Variants in STON2 observed in about 807,000 individuals in gnomAD.
STON2 encodes stonin 2.
A neutral mutation model predicts 65.7 loss-of-function variants in STON2; 29 were observed. That is an observed-to-expected ratio of 0.44 (90% CI 0.33 to 0.60). The LOEUF (loss-of-function observed/expected upper bound fraction) is 0.60, where lower values mean the gene tolerates loss of function less well. Among genes scored for constraint, STON2 ranks in the 20% least tolerant of loss-of-function variants. The pLI is 0.03. For synonymous variants in STON2, 404 were observed against 414.2 expected (o/e 0.98, Z 0.30); for missense variants, 1,054 against 1,118.1 (o/e 0.94, Z 0.82).
intron 5 of STON2, among the ~76,000 whole-genome samples, chr14:81,306,374 G>A (rs898890165): frequency 1.0e-4 from 12 of 115,304 alleles, no homozygotes; most frequent in Admixed American, 2.8e-4. Context: ...GACTACAGGC[G>A]CCATATGCTC....
intron 4 of STON2, among the ~76,000 whole-genome samples, chr14:81,356,988 G>A (rs1358657434): frequency 6.6e-6 from 1 of 152,002 alleles, no homozygotes; most frequent in Non-Finnish European, 1.5e-5. Flanking sequence ...ACATAGGCAC[G>A]GGCAAGGACT....
At chr14:81,422,164 T>C (rs75674437) in intron 2 of STON2, among the ~76,000 whole-genome samples, 9,030 of 152,194 alleles carry the variant, frequency 0.059, 421 homozygotes, top group African/African-American at 0.12. Context: ...GTGGTGGGGC[T>C]CAGTAAGAGG....
At chr14:81,334,241 G>A (rs959090593) in intron 4 of STON2, among the ~76,000 whole-genome samples, 1 of 152,236 alleles carries the variant, frequency 6.6e-6, no homozygotes, top group South Asian at 2.1e-4. Context: ...AGTGCTGAGT[G>A]CAAGAAGCAT....
intron 4 of STON2, chr14:81,333,212 T>G: frequency 1.0e-6 from 1 of 964,342 alleles, no homozygotes; most frequent in Admixed American, 1.7e-5. Context: ...AGTGTGGTCT[T>G]GTACATTTTT....
In STON2 at chr14:81,408,155, A is replaced by G. The variant is rs78914777; in HGVS notation, c.-198-9575T>C. On this transcript the variant is annotated intron_variant, in intron 2 of 8. Transcript: ENST00000553821. Reference sequence around the variant, plus strand: ...CTGAAGAACACACACACACACACACACACGCGCACACACACACACATTAAT... The same window carrying G: ...CTGAAGAACACACACACACACACACGCACGCGCACACACACACACATTAAT... 8.6e-5 allele frequency among the ~76,000 whole-genome samples: 11 copies of G among 128,508 alleles called. No homozygotes were observed. The East Asian group carries it at 3.5e-3, about 41-fold the overall frequency. The allele number at this position is 128,508 out of a possible 152,430, so 84.3% of individuals were successfully genotyped here. A position where few individuals can be genotyped will look rare whatever the true frequency, so the allele number is the denominator to read the frequency against.
intron 2 of STON2, among the ~76,000 whole-genome samples, chr14:81,417,889 C>A (rs1469421667): frequency 3.3e-5 from 5 of 152,024 alleles, no homozygotes; most frequent in Non-Finnish European, 5.9e-5. Flanking sequence ...GATAGAAAAA[C>A]CAGAGGGCTC....
In STON2 at chr14:81,392,266, C is replaced by T. The variant is rs141165625; in HGVS notation, c.373+3628G>A. On this transcript the variant is annotated intron_variant, in intron 3 of 7. Transcript: ENST00000614646. ...TGGCCTGTGCACTGGGGTGGAGCTG[C>T]GGAAGTTTGTGCCACTTGCAGCAGG... Among the ~76,000 whole-genome samples the T allele has an allele frequency of 2.2e-4, 34 of 152,238 alleles. 1 individual carries two copies. The East Asian group carries it at 6.2e-3, about 28-fold the overall frequency.
At chr14:81,333,361 T>C in intron 4 of STON2, 1 of 493,038 alleles carries the variant, frequency 2.0e-6, no homozygotes. Flanking sequence ...ATGTCATTCA[T>C]GATGGCGGTC....
At chr14:81,317,264 G>A (rs1896659785) in intron 5 of STON2, among the ~76,000 whole-genome samples, 1 of 152,064 alleles carries the variant, frequency 6.6e-6, no homozygotes, top group South Asian at 2.1e-4. Context: ...CACAGAGAGG[G>A]CACCAAGCCA....
chr14:81,348,122 T>C (rs901090285), intron 4 of STON2, among the ~76,000 whole-genome samples: 2 of 152,002 alleles, frequency 1.3e-5, no homozygotes, highest in Non-Finnish European at 2.9e-5. Context: ...AGAACAGCTC[T>C]CAACATAATA....
intron 4 of STON2, among the ~76,000 whole-genome samples, chr14:81,341,451 T>G (rs922482032): frequency 1.6e-5 from 2 of 122,836 alleles, no homozygotes; most frequent in Admixed American, 7.3e-5. Flanking sequence ...TAAGTGTTTT[T>G]TTTTTGTTTT....
intron 5 of STON2, among the ~76,000 whole-genome samples, chr14:81,309,118 T>G (rs1387833210): frequency 1.3e-5 from 2 of 151,106 alleles, no homozygotes; most frequent in Non-Finnish European, 2.9e-5. Context: ...TTTTGACCCA[T>G]GAGCCTCAGT....
chr14:81,277,506 A>G lies in STON2; in HGVS notation c.1976T>C (p.Leu659Pro), dbSNP rs769992233. The change falls in exon 6 of 8, where the codon CTG becomes CCG. Residue 659 changes from leucine (L) to proline (P), a missense_variant. Physicochemically the swap from Leu to Pro is moderately conservative, Grantham distance 98 (BLOSUM62 -3). Transcript: ENST00000614646. The part of the protein sequence containing the change: ...QHHVLTRIHI[L>P]SFLSGLAECR... ...CTCTGCGAGCCCAGACAGGAAACTC[A>G]GGATGTGGATCCGTGTCAAGACATG... The G allele has an allele frequency of 1.9e-6, 3 of 1,614,138 alleles. No individual in the cohort carries two copies. The highest frequency in any genetic ancestry group is 2.5e-6 in the Non-Finnish European group (3 of 1,179,996).
intron 3 of STON2, chr14:81,395,358 C>T (rs1226659585): frequency 6.5e-6 from 1 of 152,800 alleles, no homozygotes; most frequent in Non-Finnish European, 1.5e-5. Flanking sequence ...TCACATGCCT[C>T]AGCCTCCTGA....
In STON2 at chr14:81,267,606, C is replaced by T. The variant is rs1053881367; in HGVS notation, c.*808G>A. The T allele has an allele frequency of 2.0e-6, 2 of 985,262 alleles. No homozygotes were observed. Among genetic ancestry groups the T allele is most frequent in the African/African-American group, 1.7e-5 (1 of 57,222 alleles). 61.0% of individuals were successfully genotyped at this position (985,262 alleles called of 1,614,324 possible). A position where few individuals can be genotyped will look rare whatever the true frequency, so the allele number is the denominator to read the frequency against. ...GGGAATTCACTGAGATTGAATCTAC[C>T]TCTTGAACTGAACATCATCTTATAT... is the stretch of plus-strand genomic sequence containing the variant. On this transcript the variant is annotated 3_prime_UTR_variant, in exon 8 of 8. Coordinates refer to ENST00000614646, the MANE Select transcript of STON2 (RefSeq NM_001394390.1).
At chr14:81,299,428 A>C (rs1242440069) in intron 5 of STON2, among the ~76,000 whole-genome samples, 1 of 152,234 alleles carries the variant, frequency 6.6e-6, no homozygotes, top group Non-Finnish European at 1.5e-5. Flanking sequence ...AAATATTGAA[A>C]GTGTTCCTCC....
At chr14:81,321,370 TAA>T (rs566882924) in intron 5 of STON2, among the ~76,000 whole-genome samples, 114 of 126,520 alleles carry the variant, frequency 9.0e-4, no homozygotes, top group Admixed American at 9.7e-4. Context: ...GTTTCTACTT[TAA>T]AAAAAAAAAA....
At chr14:81,430,050 T>A (rs923054643) in intron 1 of STON2, among the ~76,000 whole-genome samples, 1 of 152,192 alleles carries the variant, frequency 6.6e-6, no homozygotes, top group East Asian at 1.9e-4. Context: ...TGTGGACCAG[T>A]GCAGGGGCAC....
intron 2 of STON2, among the ~76,000 whole-genome samples, chr14:81,424,398 C>T (rs748135573): frequency 3.3e-5 from 5 of 151,924 alleles, no homozygotes; most frequent in African/African-American, 4.8e-5. Context: ...GAGCCAAGAT[C>T]GCGCCACTGT....
Sources: allele counts gnomAD v4.1 joint callset (sites outside exome capture counted in the v4.1 genomes callset), GRCh38; gene constraint gnomAD v4.1.1; transcripts MANE v1.5; gene names NCBI Gene and HGNC (gene_info 2026-07-23, HGNC 2026-07-21).